PIK3R5: variants seen among roughly 807,000 people sequenced by gnomAD.
The protein encoded by PIK3R5 is phosphoinositide-3-kinase regulatory subunit 5, also known as phosphoinositide 3-kinase regulatory subunit 5.
Under a neutral mutation model 94.9 loss-of-function variants are expected in PIK3R5, and 32 were observed. The observed-to-expected ratio is 0.34, with a 90% CI of 0.25 to 0.45. The LOEUF (loss-of-function observed/expected upper bound fraction) is 0.45, where lower values mean the gene tolerates loss of function less well. PIK3R5 is among the 20% of genes least tolerant of loss of function. The pLI, the probability that PIK3R5 is intolerant of heterozygous loss-of-function variation, is 1.00. For missense variants in PIK3R5, 853 were observed against 1,144.6 expected (o/e 0.75, Z 3.68); for synonymous variants, 443 against 479.4 (o/e 0.92, Z 0.99).
chr17:8,947,418 C>T (rs986988139), intron 1 of PIK3R5, among the ~76,000 whole-genome samples: 2 of 152,110 alleles, frequency 1.3e-5, no homozygotes, highest in African/African-American at 2.4e-5. Flanking sequence ...GTAGTAATCA[C>T]GGAAGAAAAT....
At chr17:8,885,206 C>T (rs2089788785) in intron 14 of PIK3R5, 1 of 234,888 alleles carries the variant, frequency 4.3e-6, no homozygotes, top group Non-Finnish European at 8.5e-6. Context: ...CCACCTGGCC[C>T]GACCTCCCAT....
Position 8,923,241 on chromosome 17 carries a change from G to A in PIK3R5, c.-13-11734C>T, listed in dbSNP as rs147302893. ...CATACGGATAGCACAGAGAGGATTC[G>A]AACTAAGGTCTCTCTGGTCCACTCT... On this transcript the variant is annotated intron_variant, in intron 1 of 18. Coordinates refer to ENST00000447110, the MANE Select transcript of PIK3R5 (RefSeq NM_001142633.3). 4.9e-4 allele frequency among the ~76,000 whole-genome samples: 75 copies of A among 152,218 alleles called. No homozygotes were observed. In the East Asian group the frequency reaches 0.013, roughly 26 times the overall value.
intron 1 of PIK3R5, chr17:8,912,435 CT>C (rs1347544845): frequency 6.6e-6 from 1 of 152,278 alleles, no homozygotes; most frequent in African/African-American, 2.4e-5. Context: ...GTTGACTTAT[CT>C]GTAAAATGGG....
intron 1 of PIK3R5, among the ~76,000 whole-genome samples, chr17:8,950,382 A>G (rs1240312287): frequency 6.6e-6 from 1 of 152,120 alleles, no homozygotes; most frequent in East Asian, 1.9e-4. Flanking sequence ...GGTTTGTTAT[A>G]TGGGTATATT....
At chr17:8,947,092 GGGATGGGATCACACACCCCGCCTGACT>G (rs1281261485) in intron 1 of PIK3R5, among the ~76,000 whole-genome samples, 3 of 7,040 alleles carry the variant, frequency 4.3e-4, no homozygotes, top group Non-Finnish European at 1.9e-3. Context: ...AGAAGCGCAT[GGGATGGGATCACACACCCCGCCTGACT>G]GAGATACAGA....
chr17:8,908,299 T>C (rs780129067), intron 3 of PIK3R5, among the ~76,000 whole-genome samples: 12 of 152,198 alleles, frequency 7.9e-5, no homozygotes, highest in African/African-American at 1.2e-4. Context: ...GACCTTTCTA[T>C]GAAACCCTCC....
chr17:8,919,378 C>T (rs1469149426), intron 1 of PIK3R5, among the ~76,000 whole-genome samples: 1 of 152,186 alleles, frequency 6.6e-6, no homozygotes, highest in East Asian at 1.9e-4. Flanking sequence ...TGATTCCCTA[C>T]CTTACATGAG....
intron 5 of PIK3R5, among the ~76,000 whole-genome samples, chr17:8,902,031 G>A (rs58714939): frequency 4.5e-4 from 69 of 151,950 alleles, no homozygotes; most frequent in African/African-American, 1.6e-3. Flanking sequence ...ACCAGCGCTG[G>A]CATTTTTGTT....
rs992722020 is a variant in PIK3R5, at chr17:8,884,355, C to T, written c.2205+352G>A. On this transcript the variant is annotated intron_variant, in intron 15 of 18. Coordinates refer to ENST00000447110, the MANE Select transcript of PIK3R5 (RefSeq NM_001142633.3). This position sits in a 1 kb window ranked among gnomAD's most constrained non-coding sequence, Gnocchi z 5.8. The stretch of plus-strand genomic sequence containing the variant: ...GCATGCAGCCTGCCAGGCACACTGG[C>T]CCCCCGAGACCCTGGCTTCTCCCTG... Among the ~76,000 whole-genome samples the T allele has an allele frequency of 7.2e-5, 11 of 152,038 alleles. No homozygotes were observed. The highest frequency in any genetic ancestry group is 1.5e-4 in the Non-Finnish European group (10 of 67,984).
intron 1 of PIK3R5, among the ~76,000 whole-genome samples, chr17:8,915,413 CAAAA>C (rs201916256): frequency 2.9e-5 from 3 of 104,014 alleles, no homozygotes. Flanking sequence ...GACTCTGTCT[CAAAA>C]AAAAAAAAAA....
chr17:8,965,006 C>T (rs1353619253), intron 1 of PIK3R5, among the ~76,000 whole-genome samples: 1 of 137,478 alleles, frequency 7.3e-6, no homozygotes, highest in African/African-American at 2.9e-5. Flanking sequence ...CATGCCCACA[C>T]ACACACACAC....
rs757971428 is a variant in PIK3R5 at position 8,888,798 on chromosome 17, A to ACCT, written c.986_988dup (p.Glu329dup). On this transcript the variant is annotated inframe_insertion, in exon 10 of 19. Transcript: ENST00000447110. The surrounding 1 kb of genome is among the most constrained non-coding windows in gnomAD (Gnocchi z 7.8). ...CCCGTCAGTTTCCAAGTCCTCCTCC[A>ACCT]CCTCCTCCTCCTCCTCTTCCTCCTC... 2 of 1,597,434 alleles carry ACCT rather than the reference A, an allele frequency of 1.3e-6. No individual in the cohort carries two copies. Among genetic ancestry groups the ACCT allele is most frequent in the South Asian group, 1.1e-5 (1 of 90,600 alleles).
chr17:8,917,474 T>A (rs1163602145), intron 1 of PIK3R5, among the ~76,000 whole-genome samples: 1 of 152,198 alleles, frequency 6.6e-6, no homozygotes. Context: ...AAATGGTACT[T>A]TGACTGGATA....
At chr17:8,961,377 G>A (rs1451424574) in intron 1 of PIK3R5, among the ~76,000 whole-genome samples, 22 of 152,198 alleles carry the variant, frequency 1.4e-4, no homozygotes, top group Admixed American at 1.4e-3. Flanking sequence ...GCTCACACCT[G>A]TAATCCCAGC....
At chr17:8,902,027 G>A (rs900419031) in intron 5 of PIK3R5, among the ~76,000 whole-genome samples, 4 of 151,976 alleles carry the variant, frequency 2.6e-5, no homozygotes, top group Admixed American at 6.6e-5. Flanking sequence ...CCTCACCAGC[G>A]CTGGCATTTT....
chr17:8,894,150 G>A (rs2090093218), intron 5 of PIK3R5, among the ~76,000 whole-genome samples: 1 of 152,216 alleles, frequency 6.6e-6, no homozygotes, highest in African/African-American at 2.4e-5. Flanking sequence ...CGTGGCCTCT[G>A]AGGCCTTTAA....
Position 8,889,329 on chromosome 17 carries a change from G to A in PIK3R5, c.812-107C>T, listed in dbSNP as rs2151372179. On this transcript the variant is annotated intron_variant, in intron 8 of 18. Transcript: ENST00000447110. The surrounding 1 kb of genome is among the most constrained non-coding windows in gnomAD (Gnocchi z 4.1). ...AGAGACCAGAGATGGGACAGGATCG[G>A]CACAAGGATATGTAGCTGGATAGGC... The A allele has an allele frequency of 1.3e-6, 1 of 786,856 alleles. No individual in the cohort carries two copies. Among genetic ancestry groups the A allele is most frequent in the African/African-American group, 1.8e-5 (1 of 57,020 alleles). The allele number at this position is 786,856 out of a possible 1,614,324, so 48.7% of individuals were successfully genotyped here.
rs7223537 is a variant in PIK3R5, at chr17:8,935,795, T to C, written c.-13-24288A>G. On this transcript the variant is annotated intron_variant, in intron 1 of 18. Transcript: ENST00000447110. The surrounding 1 kb of genome is among the most constrained non-coding windows in gnomAD (Gnocchi z 4.5). ...CAAGGCCACGCATGGTGGCTCACGC[T>C]TGTAATCCCAGCACTTTGGGAGGCT... is the stretch of plus-strand genomic sequence containing the variant. Among the ~76,000 whole-genome samples, 148,965 of 152,208 alleles carry C rather than the reference T, an allele frequency of 0.98. 72,906 individuals carry two copies. Among genetic ancestry groups the C allele is most frequent in the African/African-American group, 0.99 (41,295 of 41,542 alleles).
intron 1 of PIK3R5, among the ~76,000 whole-genome samples, chr17:8,933,470 C>T (rs949337963): frequency 5.9e-5 from 9 of 152,026 alleles, no homozygotes; most frequent in African/African-American, 2.2e-4. Context: ...TTGTATCAAA[C>T]CTTTAAGAAA....
Sources: allele counts gnomAD v4.1 joint callset (sites outside exome capture counted in the v4.1 genomes callset), GRCh38; gene constraint gnomAD v4.1.1; non-coding constraint Gnocchi (gnomAD v3.1); transcripts MANE v1.5; gene names NCBI Gene and HGNC (gene_info 2026-07-23, HGNC 2026-07-21).